Variants in RORA observed in about 807,000 individuals in gnomAD.
RORA encodes nuclear receptor ROR-alpha.
In RORA, 7 loss-of-function variants were observed where a neutral mutation model predicts 69.5. The ratio of observed to expected loss-of-function variants is 0.10; its 90% CI spans 0.06 to 0.19. The LOEUF (loss-of-function observed/expected upper bound fraction) is 0.19. RORA is among the 10% of genes least tolerant of loss of function. The pLI, the probability that RORA is intolerant of heterozygous loss-of-function variation, is 1.00. For synonymous variants in RORA, 261 were observed against 240.8 expected (o/e 1.08, Z -0.78); for missense variants, 457 against 663.0 (o/e 0.69, Z 3.41).
At chr15:61,200,844 C>A (rs972337887) in intron 1 of RORA, among the ~76,000 whole-genome samples, 1 of 152,146 alleles carries the variant, frequency 6.6e-6, no homozygotes, top group African/African-American at 2.4e-5. Context: ...CCAGGGTAGT[C>A]AACACTTATC....
intron 3 of RORA, among the ~76,000 whole-genome samples, chr15:60,515,969 A>C (rs1241276478): frequency 1.6e-3 from 34 of 21,490 alleles, no homozygotes; most frequent in African/African-American, 5.4e-3. Flanking sequence ...ATATTTATAT[A>C]TATTTATATA....
At chr15:60,609,090 T>A (rs1456388823) in intron 2 of RORA, among the ~76,000 whole-genome samples, 1 of 152,212 alleles carries the variant, frequency 6.6e-6, no homozygotes, top group Non-Finnish European at 1.5e-5. Context: ...TAATATTTCA[T>A]CCATTCACAT....
intron 1 of RORA, among the ~76,000 whole-genome samples, chr15:60,840,337 G>A (rs1198715230): frequency 1.3e-5 from 2 of 152,254 alleles, no homozygotes; most frequent in Non-Finnish European, 2.9e-5. Flanking sequence ...TCTGACACAG[G>A]CCTGGTGGAG....
rs531807686 is a variant in RORA, at chr15:61,116,183, T to C, written c.166+112870A>G. ...AGGGAGACTAGCTATGAAAATGGAG[T>C]AATCATTCAGGTGTGGTACAGATGG... is the stretch of plus-strand genomic sequence containing the variant. On this transcript the variant is annotated intron_variant, in intron 1 of 10. Coordinates refer to ENST00000335670, the MANE Select transcript of RORA (RefSeq NM_134261.3). Among the ~76,000 whole-genome samples, 81 of 152,142 alleles carry C rather than the reference T, an allele frequency of 5.3e-4. 2 individuals are homozygous for C. The highest frequency in any genetic ancestry group is 1.9e-3 in the African/African-American group (78 of 41,500).
In RORA at chr15:60,858,692, T is replaced by TACACACACACACACACAC. The variant is rs3053884; in HGVS notation, c.167-180024_167-180007dup. Among the ~76,000 whole-genome samples, 772 of 142,888 alleles carry TACACACACACACACACAC rather than the reference T, an allele frequency of 5.4e-3. 10 individuals are homozygous for TACACACACACACACACAC. Among genetic ancestry groups the TACACACACACACACACAC allele is most frequent in the African/African-American group, 0.014 (536 of 38,206 alleles). 93.7% of individuals were successfully genotyped at this position (142,888 alleles called of 152,430 possible). On this transcript the variant is annotated intron_variant, in intron 1 of 10. Coordinates refer to ENST00000335670, the MANE Select transcript of RORA (RefSeq NM_134261.3). ...TCAGATTCATTAAAAAGAAAGAAAATACACACACACACACACACACACACA... is the reference window on the plus strand; with the variant it reads ...TCAGATTCATTAAAAAGAAAGAAAATACACACACACACACACACACACACACACACACACACACACACA...
intron 1 of RORA, chr15:60,841,089 C>T (rs1183965025): frequency 9.1e-6 from 9 of 985,066 alleles, no homozygotes; most frequent in East Asian, 2.3e-4. Flanking sequence ...ACTGACTCCC[C>T]GTGAGCATTT....
chr15:60,532,993 A>G (rs1305040879), intron 2 of RORA, among the ~76,000 whole-genome samples: 1 of 152,208 alleles, frequency 6.6e-6, no homozygotes, highest in Non-Finnish European at 1.5e-5. Flanking sequence ...TAGTGTAAGT[A>G]CCACACAGAG....
At chr15:61,014,847 C>A (rs543247636) in intron 1 of RORA, among the ~76,000 whole-genome samples, 44 of 152,258 alleles carry the variant, frequency 2.9e-4, no homozygotes, top group African/African-American at 7.0e-4. Context: ...GAATAGGGAA[C>A]CTGCGACTTT....
intron 1 of RORA, among the ~76,000 whole-genome samples, chr15:61,121,025 T>G (rs868556068): frequency 1.3e-5 from 2 of 151,844 alleles, no homozygotes; most frequent in African/African-American, 4.8e-5. Context: ...TTTTTTTGTA[T>G]TTTTGGTAGA....
intron 2 of RORA, among the ~76,000 whole-genome samples, chr15:60,645,852 A>ATATG (rs1205783738): frequency 4.0e-5 from 6 of 151,378 alleles, no homozygotes; most frequent in African/African-American, 1.5e-4. Context: ...GTTATCATAC[A>ATATG]TATATACAGC....
intron 1 of RORA, chr15:60,764,786 A>C (rs933068272): frequency 6.6e-6 from 1 of 152,242 alleles, no homozygotes; most frequent in Non-Finnish European, 1.5e-5. Context: ...GCCCCTGCTC[A>C]CAATGAAATA....
intron 1 of RORA, among the ~76,000 whole-genome samples, chr15:60,685,709 A>T (rs1377566981): frequency 6.6e-6 from 1 of 152,228 alleles, no homozygotes; most frequent in South Asian, 2.1e-4. Flanking sequence ...CTTAATGGAC[A>T]CTAATGCTTA....
intron 1 of RORA, among the ~76,000 whole-genome samples, chr15:60,934,196 T>A (rs554950954): frequency 6.6e-6 from 1 of 152,366 alleles, no homozygotes; most frequent in African/African-American, 2.4e-5. Flanking sequence ...ACAAGGAGAC[T>A]GCTGCCTGCC....
chr15:60,740,770 A>T lies in RORA; in HGVS notation c.167-62084T>A, dbSNP rs1213845191. ...CAGGACCAAATGAGGTATTTCTTTT[A>T]ACTGTTCTGCTCTTCATAGAGCCTC... On this transcript the variant is annotated intron_variant, in intron 1 of 10. Transcript: ENST00000335670. Among the ~76,000 whole-genome samples, 5 of 152,210 alleles carry T rather than the reference A, an allele frequency of 3.3e-5. No homozygotes were observed. In the East Asian group the frequency reaches 9.6e-4, roughly 29 times the overall value.
intron 1 of RORA, among the ~76,000 whole-genome samples, chr15:61,113,445 C>A (rs2079024607): frequency 6.6e-6 from 1 of 152,148 alleles, no homozygotes; most frequent in Non-Finnish European, 1.5e-5. Context: ...TTTACCTCCA[C>A]AAAGAACATT....
chr15:61,207,972 A>G (rs1041209981), intron 1 of RORA, among the ~76,000 whole-genome samples: 5 of 152,240 alleles, frequency 3.3e-5, no homozygotes, highest in African/African-American at 1.2e-4. Context: ...CACATTTTCA[A>G]TGACCCAGCC....
intron 10 of RORA, among the ~76,000 whole-genome samples, chr15:60,498,960 G>A (rs2065247973): frequency 6.6e-6 from 1 of 151,776 alleles, no homozygotes; most frequent in Non-Finnish European, 1.5e-5. Flanking sequence ...AAAGAACAGG[G>A]CTGATTGTTC....
At chr15:60,638,089 C>T (rs533015374) in intron 2 of RORA, among the ~76,000 whole-genome samples, 1 of 152,166 alleles carries the variant, frequency 6.6e-6, no homozygotes, top group South Asian at 2.1e-4. Context: ...CCTTTTGGTT[C>T]ATCTTAAGTA....
chr15:60,589,355 T>C (rs2068431551), intron 2 of RORA, among the ~76,000 whole-genome samples: 1 of 152,206 alleles, frequency 6.6e-6, no homozygotes, highest in Non-Finnish European at 1.5e-5. Context: ...GGGCCAGAAA[T>C]TCCCTTTAAG....
Sources: gnomAD v4.1 joint callset for allele counts (sites outside exome capture counted in the v4.1 genomes callset) on GRCh38, gnomAD v4.1.1 for gene constraint, MANE v1.5 for transcripts, NCBI Gene and HGNC (gene_info 2026-07-23, HGNC 2026-07-21) for gene names.